TMPRSS9: variants seen among roughly 807,000 people sequenced by gnomAD.
The protein encoded by TMPRSS9 is transmembrane protease serine 9.
Under a neutral mutation model 111.4 loss-of-function variants are expected in TMPRSS9, and 113 were observed. The observed-to-expected ratio is 1.01, with a 90% CI of 0.87 to 1.19. The LOEUF (loss-of-function observed/expected upper bound fraction) is 1.19, where lower values mean the gene tolerates loss of function less well. TMPRSS9 is among the 50% of genes most tolerant of loss of function. The pLI is 0.00. For missense variants in TMPRSS9, 1,803 were observed against 1,513.1 expected, an observed-to-expected ratio of 1.19 and a Z score of -3.18; for synonymous variants, 805 against 659.1, an observed-to-expected ratio of 1.22 and a Z score of -3.39.
At chr19:2,424,967 G>A (rs1205189157) in intron 15 of TMPRSS9, 35 bp from the exon 17 acceptor site, 1 of 1,446,608 alleles carries the variant, frequency 6.9e-7, no homozygotes, top group Non-Finnish European at 9.0e-7. Flanking sequence ...GGGCGTGGGG[G>A]CTCGGGCCGA....
At chr19:2,422,039 G>T in exon 14 of TMPRSS9, 1 of 1,612,602 alleles carries the variant, frequency 6.2e-7, no homozygotes, top group East Asian at 2.2e-5. Context: ...CTCCCCCCTC[G>T]ACCACAAGGA....
intron 17 of TMPRSS9, 44 bp from the exon 19 acceptor site, chr19:2,425,883 G>A (rs779864043): frequency 1.3e-6 from 2 of 1,544,540 alleles, no homozygotes; most frequent in East Asian, 2.3e-5. Context: ...GCTGCTGTAG[G>A]GGAGGTACCG....
Position 2,424,258 on chromosome 19 carries a change from G to T in TMPRSS9, c.2717+1G>T. The T allele has an allele frequency of 7.3e-7, 1 of 1,372,914 alleles. No homozygotes were observed. Among genetic ancestry groups the T allele is most frequent in the Non-Finnish European group, 9.5e-7 (1 of 1,052,578 alleles). The allele number at this position is 1,372,914 out of a possible 1,614,324, so 85.0% of individuals were successfully genotyped here. On this transcript the variant is annotated splice_donor_variant, in intron 15 of 17. Transcript: ENST00000648592. LOFTEE classifies it high-confidence loss of function. ...TGTCGGCGGCGCACTGCTTCGACGT[G>T]TGAGTTCCAAACGCTCCAAATGCCC...
chr19:2,405,695 C>T (rs1970953966), intron 7 of TMPRSS9, 150 bp downstream of exon 8: 3 of 730,650 alleles, frequency 4.1e-6, no homozygotes, highest in Non-Finnish European at 5.9e-6. Context: ...GTTGTTGAAT[C>T]TGAGGGCATT....
intron 9 of TMPRSS9, 143 bp from the exon 11 acceptor site, chr19:2,413,557 A>G (rs577891796): frequency 5.1e-5 from 46 of 899,246 alleles, no homozygotes; most frequent in East Asian, 3.7e-4. Context: ...TGAGATGTCA[A>G]TGATCAGCCC....
At chr19:2,402,746 TAAATA>T (rs1228296394) in intron 5 of TMPRSS9, among the ~76,000 whole-genome samples, 1 of 151,260 alleles carries the variant, frequency 6.6e-6, no homozygotes, top group Non-Finnish European at 1.5e-5. Flanking sequence ...CTCAAAAAAA[TAAATA>T]AATAAAATAA....
chr19:2,394,563 G>A (rs1970668164), intron 1 of TMPRSS9, among the ~76,000 whole-genome samples: 1 of 149,018 alleles, frequency 6.7e-6, no homozygotes, highest in Non-Finnish European at 1.5e-5. Flanking sequence ...CACAGAGGCG[G>A]GGCAATTCAG....
Position 2,415,856 on chromosome 19 carries a change from C to A in TMPRSS9, c.1745+15C>A. On this transcript the variant is annotated intron_variant, in intron 11 of 17. Transcript: ENST00000648592. ...TGCTTCAACCAGTAAGGCCCGCCTC[C>A]TCCAGGAAGGCTGCCCGGCTTCCCC... 6.4e-7 allele frequency: 1 copy of A among 1,560,360 alleles called. No individual in the cohort carries two copies. The highest frequency in any genetic ancestry group is 2.3e-5 in the East Asian group (1 of 42,920).
At chr19:2,393,768 C>T (rs868374459) in intron 1 of TMPRSS9, among the ~76,000 whole-genome samples, 14 of 151,240 alleles carry the variant, frequency 9.3e-5, no homozygotes, top group Middle Eastern at 3.4e-3. Flanking sequence ...CAGACTGGTA[C>T]GCGCCTGTAA....
chr19:2,387,669 C>G (rs773632110), upstream of TMPRSS9, among the ~76,000 whole-genome samples: 1 of 151,854 alleles, frequency 6.6e-6, no homozygotes, highest in Non-Finnish European at 1.5e-5. Context: ...CACTTAAGCC[C>G]GGAAATTTGA....
Position 2,409,605 on chromosome 19 carries a change from T to C in TMPRSS9, c.1118-653T>C, listed in dbSNP as rs565367239. Reference sequence around the variant, plus strand: ...AGAAAAATAAGGTGGGGGTGGCAGCTGCAGCTTTAAATAGGGAGGTCAGGA... The same window carrying C: ...AGAAAAATAAGGTGGGGGTGGCAGCCGCAGCTTTAAATAGGGAGGTCAGGA... On this transcript the variant is annotated intron_variant, in intron 8 of 17. Coordinates refer to ENST00000648592, the Ensembl canonical transcript of TMPRSS9. Among the ~76,000 whole-genome samples the C allele has an allele frequency of 1.4e-4, 22 of 152,232 alleles. No homozygotes were observed. In the South Asian group the frequency reaches 2.1e-3, roughly 14 times the overall value.
chr19:2,408,259 A>T (rs766275889), intron 7 of TMPRSS9, 97 bp from the exon 9 acceptor site: 1 of 1,178,056 alleles, frequency 8.5e-7, no homozygotes, highest in African/African-American at 1.5e-5. Context: ...ATGTGGGGGG[A>T]TACCCCTTAC....
chr19:2,368,148 A>G (rs1224647317), intron 1 of TMPRSS9, among the ~76,000 whole-genome samples: 1 of 152,186 alleles, frequency 6.6e-6, no homozygotes, highest in Non-Finnish European at 1.5e-5. Context: ...TTGCTCTTTC[A>G]GGAGGCATTA....
chr19:2,403,027 C>A, intron 5 of TMPRSS9, 55 bp from the exon 7 acceptor site: 1 of 1,378,702 alleles, frequency 7.3e-7, no homozygotes, highest in Non-Finnish European at 1.0e-6. Flanking sequence ...TGGTGCCTTA[C>A]TCCAACCAGG....
At chr19:2,366,797 C>T (rs1970250914) in intron 1 of TMPRSS9, among the ~76,000 whole-genome samples, 3 of 144,580 alleles carry the variant, frequency 2.1e-5, no homozygotes, top group Non-Finnish European at 1.5e-5. Context: ...GTGGAGCTTG[C>T]AGTGAGCCAA....
upstream of TMPRSS9, among the ~76,000 whole-genome samples, chr19:2,389,295 A>C (rs888566593): frequency 6.7e-6 from 1 of 150,344 alleles, no homozygotes; most frequent in African/African-American, 2.5e-5. Context: ...GGCTGGTCTC[A>C]AACTCTTGAC....
At chr19:2,425,320 G>T in intron 16 of TMPRSS9, 37 bp from the exon 18 acceptor site, 2 of 1,287,260 alleles carry the variant, frequency 1.6e-6, no homozygotes, top group South Asian at 1.9e-5. Context: ...GGCCGGACGC[G>T]GTCCCCACCC....
At chr19:2,423,830 G>A (rs1049977242) in intron 14 of TMPRSS9, among the ~76,000 whole-genome samples, 1 of 152,010 alleles carries the variant, frequency 6.6e-6, no homozygotes, top group African/African-American at 2.4e-5. Context: ...CCATGAGAGG[G>A]GCCTCCGGCA....
At chr19:2,385,999 C>T (rs1217162791), upstream of TMPRSS9, among the ~76,000 whole-genome samples, 2 of 152,032 alleles carry the variant, frequency 1.3e-5, no homozygotes, top group African/African-American at 4.8e-5. Context: ...GGCTGGAGTG[C>T]AGTGGTGTGA....
Sources: gnomAD v4.1 joint callset for allele counts (sites outside exome capture counted in the v4.1 genomes callset) on GRCh38, gnomAD v4.1.1 for gene constraint, MANE v1.5 for transcripts, NCBI Gene and HGNC (gene_info 2026-07-23, HGNC 2026-07-21) for gene names.